Variants in FBN2 observed in about 807,000 individuals in gnomAD.
FBN2 encodes fibrillin 2, also known as fibrillin-2.
A neutral mutation model predicts 355.6 loss-of-function variants in FBN2; 105 were observed. The observed-to-expected ratio is 0.30, with a 90% confidence interval of 0.25 to 0.35. The LOEUF (loss-of-function observed/expected upper bound fraction) is 0.35, where lower values mean the gene tolerates loss of function less well. FBN2 is among the 10% of genes least tolerant of loss of function. The pLI is 1.00. For synonymous variants in FBN2, 1,350 were observed against 1,301.2 expected, an observed-to-expected ratio of 1.04 and a Z score of -0.81; for missense variants, 3,280 against 3,758.7, an observed-to-expected ratio of 0.87 and a Z score of 3.33.
At chr5:128,275,913 T>C (rs1765384153) in intron 59 of FBN2, 125 bp downstream of exon 59, 3 of 1,054,512 alleles carry the variant, frequency 2.8e-6, no homozygotes, top group South Asian at 1.3e-5. Flanking sequence ...AGCAATAACA[T>C]GGCCACTAGG....
chr5:128,382,931 A>G (rs907351102), intron 11 of FBN2, among the ~76,000 whole-genome samples: 9 of 152,100 alleles, frequency 5.9e-5, no homozygotes, highest in African/African-American at 1.9e-4. Context: ...TTCTGTTCCC[A>G]GCCAAGACAG....
At chr5:128,459,300 CA>C (rs1754494349) in intron 6 of FBN2, among the ~76,000 whole-genome samples, 1 of 152,154 alleles carries the variant, frequency 6.6e-6, no homozygotes, top group African/African-American at 2.4e-5. Context: ...GAAATTGAGG[CA>C]GTAATTAATA....
At chr5:128,423,552 C>T (rs550441967) in intron 7 of FBN2, among the ~76,000 whole-genome samples, 1 of 152,140 alleles carries the variant, frequency 6.6e-6, no homozygotes, top group Non-Finnish European at 1.5e-5. Context: ...GGGATTATTG[C>T]AACTCAGGGT....
At chr5:128,451,561 C>T (rs557713557) in intron 6 of FBN2, among the ~76,000 whole-genome samples, 17 of 152,150 alleles carry the variant, frequency 1.1e-4, no homozygotes, top group African/African-American at 2.6e-4. Flanking sequence ...ACACCTCATC[C>T]GGCTAATTTT....
At chr5:128,447,384 G>A (rs1383473074) in intron 6 of FBN2, among the ~76,000 whole-genome samples, 1 of 152,140 alleles carries the variant, frequency 6.6e-6, no homozygotes, top group African/African-American at 2.4e-5. Flanking sequence ...GGAGGTCTCT[G>A]AAATGGCTGC....
intron 55 of FBN2, among the ~76,000 whole-genome samples, chr5:128,280,894 A>C (rs1418698584): frequency 6.6e-6 from 1 of 152,168 alleles, no homozygotes; most frequent in African/African-American, 2.4e-5. Flanking sequence ...GTTTTCACTA[A>C]AATTCTCTAT....
rs33959680 is a variant in FBN2, at chr5:128,347,784, C to CT, written c.2989+1562dup. On this transcript the variant is annotated intron_variant, in intron 23 of 64. Transcript: ENST00000262464. Reference sequence around the variant, plus strand: ...TATCATCTTAGAATATTAAAAAATGCTTTTTTTTTTTTGAGACAGAGCCTC... The same window carrying CT: ...TATCATCTTAGAATATTAAAAAATGCTTTTTTTTTTTTTGAGACAGAGCCTC... 1.6e-3 allele frequency among the ~76,000 whole-genome samples: 231 copies of CT among 148,430 alleles called. 1 individual carries two copies. Among genetic ancestry groups the CT allele is most frequent in the African/African-American group, 4.4e-3 (180 of 40,452 alleles).
intron 5 of FBN2, among the ~76,000 whole-genome samples, chr5:128,512,512 C>CAAAAA (rs1158661549): frequency 5.8e-4 from 35 of 60,614 alleles, no homozygotes; most frequent in Non-Finnish European, 7.8e-4. Context: ...GAACCCGTCT[C>CAAAAA]AAAAAAAAAA....
At chr5:128,406,285 T>C (rs1405661561) in intron 8 of FBN2, among the ~76,000 whole-genome samples, 2 of 152,222 alleles carry the variant, frequency 1.3e-5, no homozygotes, top group African/African-American at 4.8e-5. Flanking sequence ...CTTTTCCATC[T>C]TAACTACACT....
chr5:128,444,027 G>A (rs1018521668), intron 7 of FBN2, among the ~76,000 whole-genome samples: 3 of 116,092 alleles, frequency 2.6e-5, no homozygotes, highest in Non-Finnish European at 3.5e-5. Context: ...ACATTAAATA[G>A]TTTTATATAA....
intron 19 of FBN2, among the ~76,000 whole-genome samples, chr5:128,360,239 T>C (rs904599462): frequency 6.6e-6 from 1 of 152,140 alleles, no homozygotes; most frequent in Admixed American, 6.5e-5. Context: ...GGATACTTTT[T>C]CATAAAGTAC....
intron 16 of FBN2, among the ~76,000 whole-genome samples, chr5:128,367,455 A>G (rs962234577): frequency 2.0e-5 from 3 of 152,204 alleles, no homozygotes; most frequent in Middle Eastern, 3.4e-3. Context: ...GAGGATTTCA[A>G]CTCTCCTTAT....
intron 25 of FBN2, among the ~76,000 whole-genome samples, chr5:128,340,403 T>C (rs960062150): frequency 1.1e-4 from 16 of 152,114 alleles, no homozygotes; most frequent in Admixed American, 9.8e-4. Flanking sequence ...TTACTGGCCA[T>C]GTGAAAAAAA....
intron 5 of FBN2, among the ~76,000 whole-genome samples, chr5:128,508,576 T>C (rs917606481): frequency 5.3e-5 from 8 of 152,174 alleles, no homozygotes; most frequent in African/African-American, 1.9e-4. Context: ...CCATAGGACA[T>C]TGTAATTAAT....
At chr5:128,496,087 T>C (rs1422845302) in intron 5 of FBN2, among the ~76,000 whole-genome samples, 1 of 152,128 alleles carries the variant, frequency 6.6e-6, no homozygotes, top group Non-Finnish European at 1.5e-5. Flanking sequence ...CAGATGGCTT[T>C]ACTGGTAAAT....
At chr5:128,435,879 AT>A (rs989529914) in intron 7 of FBN2, among the ~76,000 whole-genome samples, 1 of 152,118 alleles carries the variant, frequency 6.6e-6, no homozygotes, top group South Asian at 2.1e-4. Context: ...TGGAATATGT[AT>A]TTTTTCACAG....
At chr5:128,343,253 T>G (rs1406525214) in intron 25 of FBN2, among the ~76,000 whole-genome samples, 2 of 152,128 alleles carry the variant, frequency 1.3e-5, no homozygotes, top group Non-Finnish European at 2.9e-5. Flanking sequence ...TGGAGGTGAA[T>G]GCAGTAATCT....
intron 5 of FBN2, among the ~76,000 whole-genome samples, chr5:128,505,009 A>G (rs535083083): frequency 6.6e-6 from 1 of 152,260 alleles, no homozygotes; most frequent in Non-Finnish European, 1.5e-5. Context: ...GTCTCACAAG[A>G]TCTGATGGTT....
At chr5:128,270,890 G>T (rs1316028861) in intron 62 of FBN2, among the ~76,000 whole-genome samples, 1 of 152,064 alleles carries the variant, frequency 6.6e-6, no homozygotes, top group Non-Finnish European at 1.5e-5. Context: ...AATTTATAAA[G>T]TTATTTTGAA....
Sources: gnomAD v4.1 joint callset for allele counts (sites outside exome capture counted in the v4.1 genomes callset) on GRCh38, gnomAD v4.1.1 for gene constraint, MANE v1.5 for transcripts, NCBI Gene and HGNC (gene_info 2026-07-23, HGNC 2026-07-21) for gene names.